C1orf105: variants seen among roughly 807,000 people sequenced by gnomAD.
C1orf105 encodes the protein chromosome 1 open reading frame 105.
C1orf105 carries 17 observed loss-of-function variants against 20.8 expected under a neutral mutation model. That is an observed-to-expected ratio of 0.82 (90% CI 0.56 to 1.23). The LOEUF (loss-of-function observed/expected upper bound fraction) is 1.23, where lower values mean the gene tolerates loss of function less well. C1orf105 is among the 50% of genes most tolerant of loss of function. The probability of loss-of-function intolerance (pLI) is 0.00; values close to 1 mark genes in which losing one functional copy is unlikely to be tolerated. For synonymous variants in C1orf105, 72 were observed against 72.1 expected, an observed-to-expected ratio of 1.00 and a Z score of 0.01; for missense variants, 219 against 213.5, an observed-to-expected ratio of 1.03 and a Z score of -0.16.
At chr1:172,443,517 C>T (rs1277948445) in intron 1 of C1orf105, 2 of 166,976 alleles carry the variant, frequency 1.2e-5, no homozygotes, top group Admixed American at 1.3e-4. Flanking sequence ...TCAATCTACT[C>T]AAAACAAGGA....
chr1:172,462,103 A>G, intron 4 of C1orf105, 75 bp from the exon 5 acceptor site: 1 of 1,102,322 alleles, frequency 9.1e-7, no homozygotes, highest in South Asian at 1.4e-5. Context: ...ACACAAATTC[A>G]CTAAAGTGGT....
intron 1 of C1orf105, chr1:172,431,215 C>T: frequency 2.3e-6 from 1 of 434,836 alleles, no homozygotes; most frequent in South Asian, 6.5e-5. Flanking sequence ...CCGAGACAGG[C>T]TGAAAGCCAG....
At chr1:172,440,372 A>T (rs2149167581) in intron 1 of C1orf105, among the ~76,000 whole-genome samples, 1 of 152,330 alleles carries the variant, frequency 6.6e-6, no homozygotes. Flanking sequence ...AGTACTAGCT[A>T]TTACATAGTG....
At chr1:172,430,011 G>A (rs1235142611) in intron 1 of C1orf105, among the ~76,000 whole-genome samples, 1 of 152,188 alleles carries the variant, frequency 6.6e-6, no homozygotes, top group African/African-American at 2.4e-5. Context: ...AAGCAGAGCT[G>A]GGAGGAAGGG....
intron 1 of C1orf105, among the ~76,000 whole-genome samples, chr1:172,421,608 C>G (rs1642441142): frequency 6.6e-6 from 1 of 152,132 alleles, no homozygotes; most frequent in Admixed American, 6.5e-5. Flanking sequence ...AAACAGAAGC[C>G]TTCACTGATT....
intron 1 of C1orf105, chr1:172,444,424 T>G: frequency 2.1e-6 from 1 of 481,088 alleles, no homozygotes; most frequent in Non-Finnish European, 2.7e-6. Flanking sequence ...AGATACTGAT[T>G]GAATGCCTGC....
At chr1:172,466,743 GA>G (rs1421404588) in intron 6 of C1orf105, among the ~76,000 whole-genome samples, 2 of 152,178 alleles carry the variant, frequency 1.3e-5, no homozygotes, top group African/African-American at 4.8e-5. Context: ...AGCAATTTAA[GA>G]GCTAGATTTT....
At position 172,420,840 on chromosome 1, in the gene C1orf105, C is replaced by T. The variant is rs1410182575; in HGVS notation, c.-46C>T. 18 of 1,601,636 alleles carry T rather than the reference C, an allele frequency of 1.1e-5. No homozygotes were observed. The highest frequency in any genetic ancestry group is 1.5e-5 in the Non-Finnish European group (17 of 1,169,368). On this transcript the variant is annotated 5_prime_UTR_variant, in exon 1 of 7. Coordinates refer to ENST00000367727, the MANE Select transcript of C1orf105 (RefSeq NM_139240.4). ...GCCACAGTGAGGGGAGCTAGGTTTC[C>T]CCAGTCTCCAGCTAGAAAAACTCAG... is the stretch of plus-strand genomic sequence containing the variant.
chr1:172,439,993 A>T (rs2149167277), intron 1 of C1orf105, among the ~76,000 whole-genome samples: 1 of 152,316 alleles, frequency 6.6e-6, no homozygotes, highest in Non-Finnish European at 1.5e-5. Context: ...AAGCAGTCCA[A>T]TTGACCTTAC....
At chr1:172,442,260 C>G (rs770142384) in intron 1 of C1orf105, 1 of 1,613,918 alleles carries the variant, frequency 6.2e-7, no homozygotes, top group Non-Finnish European at 8.5e-7. Context: ...CTAGGGCACT[C>G]TTCAGGTCAG....
chr1:172,445,194 A>T (rs758030048), intron 2 of C1orf105, 36 bp downstream of exon 2: 11 of 1,501,352 alleles, frequency 7.3e-6, no homozygotes, highest in Non-Finnish European at 9.2e-6. Flanking sequence ...AAGTTTTACG[A>T]AACATCTCAC....
intron 2 of C1orf105, among the ~76,000 whole-genome samples, chr1:172,445,625 A>C (rs1455585059): frequency 6.6e-6 from 1 of 152,216 alleles, no homozygotes; most frequent in African/African-American, 2.4e-5. Flanking sequence ...TATATGACAC[A>C]TAAATCTATT....
chr1:172,440,380 G>C lies in C1orf105; in HGVS notation c.22-4693G>C, dbSNP rs145149025. 7.3e-3 allele frequency among the ~76,000 whole-genome samples: 1,111 copies of C among 152,320 alleles called. 8 individuals carry two copies. The highest frequency in any genetic ancestry group is 0.017 in the Middle Eastern group (5 of 294). The stretch of plus-strand genomic sequence containing the variant: ...ATACATTAGTACTAGCTATTACATA[G>C]TGCTGATGCTAATACATAGTGCTTC... On this transcript the variant is annotated intron_variant, in intron 1 of 6. Coordinates refer to ENST00000367727, the MANE Select transcript of C1orf105 (RefSeq NM_139240.4).
chr1:172,428,242 A>T (rs1460913484), intron 1 of C1orf105, among the ~76,000 whole-genome samples: 1 of 152,086 alleles, frequency 6.6e-6, no homozygotes, highest in African/African-American at 2.4e-5. Flanking sequence ...TTGAGCCACC[A>T]TTATCCCTTG....
At chr1:172,428,645 G>T (rs186792467) in intron 1 of C1orf105, 73 of 490,336 alleles carry the variant, frequency 1.5e-4, no homozygotes, top group Admixed American at 4.1e-4. Context: ...TTTCCCATGA[G>T]ACCTACTCTG....
chr1:172,455,350 T>A (rs1649123856), intron 3 of C1orf105, among the ~76,000 whole-genome samples: 1 of 152,086 alleles, frequency 6.6e-6, no homozygotes, highest in Non-Finnish European at 1.5e-5. Flanking sequence ...TCCCCACACT[T>A]CCCAGGGCAA....
At chr1:172,459,494 C>T (rs1043362110) in intron 4 of C1orf105, among the ~76,000 whole-genome samples, 9 of 152,098 alleles carry the variant, frequency 5.9e-5, no homozygotes, top group African/African-American at 1.9e-4. Context: ...CAATGAGACA[C>T]ACTTTCCATC....
rs150713000 is a variant in C1orf105, at chr1:172,448,488, T to C, written c.155T>C (p.Met52Thr). Residue 52 changes from methionine (M) to threonine (T), a missense_variant, in exon 3 of 7, where the codon ATG (methionine) becomes ACG (threonine). Transcript: ENST00000367727. ...ATFLTSSKKN[M>T]NLPILFQVPD... Reference sequence around the variant, plus strand: ...TTTCTGACTTCATCCAAGAAGAATATGAATTTGCCAATTTTGTTTCAAGTT... The same window carrying C: ...TTTCTGACTTCATCCAAGAAGAATACGAATTTGCCAATTTTGTTTCAAGTT... 5 of 1,613,620 alleles carry C rather than the reference T, an allele frequency of 3.1e-6. No individual in the cohort carries two copies. Among genetic ancestry groups the C allele is most frequent in the Non-Finnish European group, 4.2e-6 (5 of 1,179,648 alleles).
rs911341684 is a variant in C1orf105 at position 172,468,585 on chromosome 1, G to A, written c.543G>A (p.Thr181=). 1.1e-5 allele frequency: 17 copies of A among 1,613,230 alleles called. No individual in the cohort carries two copies. Among genetic ancestry groups the A allele is most frequent in the Admixed American group, 1.7e-5 (1 of 59,976 alleles). ...GAAAGGAACCAATAGGCAAGACAAC[G>A]AGGCAGTGAGCGGTAGGAGCTCATC... ...LPRKEPIGKT[T]RQ is the part of the protein sequence containing the mutation. The change falls in exon 7 of 7, where the codon ACG becomes ACA. Residue 181 remains threonine, a synonymous_variant. Transcript: ENST00000367727.
Sources: allele counts gnomAD v4.1 joint callset (sites outside exome capture counted in the v4.1 genomes callset), GRCh38; gene constraint gnomAD v4.1.1; transcripts MANE v1.5; gene names NCBI Gene and HGNC (gene_info 2026-07-23, HGNC 2026-07-21).